The following SHTN1 variants were observed in gnomAD, a reference collection of about 807,000 sequenced individuals.
The protein encoded by SHTN1 is shootin 1, also known as shootin-1.
Under a neutral mutation model 83.1 loss-of-function variants are expected in SHTN1, and 42 were observed. That is an observed-to-expected ratio of 0.51 (90% confidence interval 0.39 to 0.65). The LOEUF (loss-of-function observed/expected upper bound fraction) is 0.65. SHTN1 is among the 30% of genes least tolerant of loss of function. The pLI is 0.00. For missense variants in SHTN1, 622 were observed against 737.8 expected (o/e 0.84, Z 1.82); for synonymous variants, 224 against 247.7 (o/e 0.90, Z 0.90).
At chr10:116,969,952 A>G (rs886308283) in intron 2 of SHTN1, among the ~76,000 whole-genome samples, 7 of 152,226 alleles carry the variant, frequency 4.6e-5, no homozygotes, top group South Asian at 2.1e-4. Flanking sequence ...TAAGAGTGCC[A>G]TATGAATAAA....
intron 16 of SHTN1, among the ~76,000 whole-genome samples, chr10:116,897,540 C>T (rs1847566258): frequency 6.6e-6 from 1 of 152,212 alleles, no homozygotes; most frequent in Non-Finnish European, 1.5e-5. Flanking sequence ...ATCTGGCCCA[C>T]TCAAAAACCC....
intron 1 of SHTN1, among the ~76,000 whole-genome samples, chr10:117,122,747 A>G (rs1232437475): frequency 6.6e-6 from 1 of 152,256 alleles, no homozygotes; most frequent in Non-Finnish European, 1.5e-5. Context: ...GTACCAATCT[A>G]GGAACAGCAA....
At chr10:116,974,502 A>C (rs770270022) in intron 2 of SHTN1, among the ~76,000 whole-genome samples, 33 of 152,208 alleles carry the variant, frequency 2.2e-4, no homozygotes, top group Non-Finnish European at 4.6e-4. Context: ...AAACAGTATC[A>C]TATATCCTGC....
chr10:117,114,255 T>C (rs535944806), intron 1 of SHTN1, among the ~76,000 whole-genome samples: 1 of 152,068 alleles, frequency 6.6e-6, no homozygotes, highest in Non-Finnish European at 1.5e-5. Flanking sequence ...AGAATCGAGA[T>C]TCAAACCCAA....
At position 117,035,372 on chromosome 10, in the gene SHTN1, T is replaced by A. The variant is rs113416159; in HGVS notation, c.-123+13073A>T. Among the ~76,000 whole-genome samples, 973 of 152,284 alleles carry A rather than the reference T, an allele frequency of 6.4e-3. 8 individuals carry two copies. Among genetic ancestry groups the A allele is most frequent in the South Asian group, 0.014 (66 of 4,822 alleles). ...AAGAGTTAAATCTAAGACCTTAAAC[T>A]GTGAAACTGACAAAAGAAACATTGG... On this transcript the variant is annotated intron_variant, in intron 2 of 17. Coordinates refer to the SHTN1 transcript ENST00000392901.
At chr10:117,039,689 T>TAAAAATACA (rs1852554887) in intron 2 of SHTN1, among the ~76,000 whole-genome samples, 1 of 151,700 alleles carries the variant, frequency 6.6e-6, no homozygotes, top group Non-Finnish European at 1.5e-5. Flanking sequence ...CCGTCTCTAC[T>TAAAAATACA]AAAAATACAA....
At chr10:117,075,582 A>G (rs886307359) in intron 1 of SHTN1, among the ~76,000 whole-genome samples, 13 of 152,226 alleles carry the variant, frequency 8.5e-5, no homozygotes, top group Admixed American at 4.6e-4. Flanking sequence ...TGTGATATGC[A>G]TTATGGTAGG....
chr10:116,931,235 T>C lies in SHTN1; in HGVS notation c.859-1233A>G, dbSNP rs573478032. ...ATATATTCACTGAAGTGGTTTTTTG[T>C]TTTGTTTCGTTTTTGTTTTTGTTTT... On this transcript the variant is annotated intron_variant, in intron 9 of 16. Transcript: ENST00000355371. 2.6e-5 allele frequency among the ~76,000 whole-genome samples: 4 copies of C among 152,132 alleles called. No individual in the cohort carries two copies. In the East Asian group the frequency reaches 7.7e-4, roughly 29 times the overall value.
intron 4 of SHTN1, among the ~76,000 whole-genome samples, chr10:116,957,314 C>G (rs1424721459): frequency 6.9e-6 from 1 of 144,652 alleles, no homozygotes; most frequent in Non-Finnish European, 1.5e-5. Flanking sequence ...AGTAGAGCTG[C>G]GTGATTTCAG....
In SHTN1 at chr10:116,948,900, G is replaced by C. The variant is rs745886264; in HGVS notation, c.616+16C>G. The C allele has an allele frequency of 3.1e-5, 47 of 1,513,016 alleles. No individual in the cohort carries two copies. Among genetic ancestry groups the C allele is most frequent in the Non-Finnish European group, 1.8e-6 (2 of 1,131,640 alleles). 93.7% of individuals were successfully genotyped at this position (1,513,016 alleles called of 1,614,324 possible). On this transcript the variant is annotated intron_variant, in intron 7 of 16. Transcript: ENST00000355371. ...ACCGCATACGTATTTGAGAAAAAAAGACTGGACAGACTTACCTCTATTGCA... is the reference window on the plus strand; with the variant it reads ...ACCGCATACGTATTTGAGAAAAAAACACTGGACAGACTTACCTCTATTGCA...
intron 9 of SHTN1, among the ~76,000 whole-genome samples, chr10:116,937,784 C>A (rs1589823768): frequency 6.6e-6 from 1 of 152,250 alleles, no homozygotes; most frequent in East Asian, 1.9e-4. Context: ...TTCTCCCTAT[C>A]ACTTTCCAGT....
At position 116,944,938 on chromosome 10, in the gene SHTN1, A is replaced by C; in HGVS notation, c.697T>G (p.Ser233Ala). Residue 233 changes from serine (S) to alanine (A), a missense_variant, in exon 8 of 17, where the codon TCA (serine) becomes GCA (alanine). Around this residue, in one of 3 missense-constraint regions of SHTN1, gnomAD observed 383 missense variants for 455.8 expected, o/e 0.84. Transcript: ENST00000355371. ...LEKDLRKKAE[S>A]FAQEMFIEQN... Reference sequence around the variant, plus strand: ...AAGATACCCACCTCTTGTGCAAATGACTCTGCTTTCTTTCGAAGGTCCTTC... The same window carrying C: ...AAGATACCCACCTCTTGTGCAAATGCCTCTGCTTTCTTTCGAAGGTCCTTC... The C allele has an allele frequency of 6.2e-7, 1 of 1,605,900 alleles. No homozygotes were observed. Among genetic ancestry groups the C allele is most frequent in the Non-Finnish European group, 8.5e-7 (1 of 1,172,936 alleles).
intron 1 of SHTN1, among the ~76,000 whole-genome samples, chr10:117,124,565 G>C (rs907974067): frequency 5.3e-5 from 8 of 152,172 alleles, no homozygotes; most frequent in Non-Finnish European, 1.2e-4. Context: ...CTGAGGTCAG[G>C]AGTTCAAGAT....
At chr10:117,037,924 T>A (rs1364163915) in intron 2 of SHTN1, among the ~76,000 whole-genome samples, 2 of 282 alleles carry the variant, frequency 7.1e-3, no homozygotes, top group African/African-American at 0.016. Context: ...GATAATTGTT[T>A]GAACTGGGAG....
intron 1 of SHTN1, among the ~76,000 whole-genome samples, chr10:117,108,027 C>T (rs936071138): frequency 1.3e-5 from 2 of 152,048 alleles, no homozygotes; most frequent in African/African-American, 2.4e-5. Flanking sequence ...TATCTTGAGC[C>T]GCCCAATGTT....
chr10:116,989,273 G>A (rs1418429565), intron 1 of SHTN1, among the ~76,000 whole-genome samples: 1 of 152,120 alleles, frequency 6.6e-6, no homozygotes, highest in East Asian at 1.9e-4. Context: ...ACACTGCTAT[G>A]AACTAAAGTC....
intron 11 of SHTN1, among the ~76,000 whole-genome samples, chr10:116,923,655 A>C (rs1461045858): frequency 1.3e-5 from 2 of 151,832 alleles, no homozygotes; most frequent in Non-Finnish European, 2.9e-5. Flanking sequence ...TCCTGCACTC[A>C]ACTGATCTTA....
intron 1 of SHTN1, among the ~76,000 whole-genome samples, chr10:117,064,438 G>C (rs923362271): frequency 1.4e-4 from 21 of 152,086 alleles, no homozygotes; most frequent in African/African-American, 5.1e-4. Flanking sequence ...GGCGGATCAC[G>C]AGGTCAGGAG....
At chr10:116,928,062 C>T (rs7090958) in intron 10 of SHTN1, among the ~76,000 whole-genome samples, 171 bp from the exon 11 acceptor site, 8,787 of 152,140 alleles carry the variant, frequency 0.058, 824 homozygotes, top group African/African-American at 0.19. Flanking sequence ...ACTATCTAGT[C>T]TATTGCTAAT....
Sources: allele counts gnomAD v4.1 joint callset (sites outside exome capture counted in the v4.1 genomes callset), GRCh38; gene constraint gnomAD v4.1.1; regional missense constraint gnomAD v4.1.1; transcripts MANE v1.5; gene names NCBI Gene and HGNC (gene_info 2026-07-23, HGNC 2026-07-21).